PVT1: variants seen among roughly 807,000 people sequenced by gnomAD.
PVT1 encodes the protein Pvt1 oncogene, also known as CXCR4/PVT1 fusion.
intron 3 of PVT1, among the ~76,000 whole-genome samples, chr8:127,934,177 T>C (rs893854249): frequency 2.6e-5 from 4 of 152,152 alleles, no homozygotes; most frequent in Admixed American, 6.5e-5. Context: ...GAAACTTCAG[T>C]AGTTGGTTGG....
intron 2 of PVT1, among the ~76,000 whole-genome samples, chr8:127,846,980 C>CTTTTTTTTTTTTTTTT (rs34437112): frequency 4.8e-5 from 3 of 62,426 alleles, no homozygotes; most frequent in Non-Finnish European, 8.7e-5. Flanking sequence ...TGCACATGGC[C>CTTTTTTTTTTTTTTTT]TTTTTTTTTT....
chr8:127,952,109 T>C (rs1264706097), intron 3 of PVT1, among the ~76,000 whole-genome samples: 1 of 152,096 alleles, frequency 6.6e-6, no homozygotes, highest in African/African-American at 2.4e-5. Flanking sequence ...CCACCGCGCC[T>C]GGCCAAAAAA....
At chr8:127,965,919 C>T (rs1343805321) in intron 3 of PVT1, among the ~76,000 whole-genome samples, 1 of 152,100 alleles carries the variant, frequency 6.6e-6, no homozygotes, top group Non-Finnish European at 1.5e-5. Context: ...ACAGGATTTA[C>T]CTTTTGGAAA....
At chr8:127,979,321 G>C (rs1441320987) in intron 3 of PVT1, among the ~76,000 whole-genome samples, 1 of 152,188 alleles carries the variant, frequency 6.6e-6, no homozygotes, top group African/African-American at 2.4e-5. Flanking sequence ...GCTTGTTGAT[G>C]CCAGCCTTGA....
intron 5 of PVT1, among the ~76,000 whole-genome samples, chr8:128,083,777 G>T (rs1771070447): frequency 6.6e-6 from 1 of 152,334 alleles, no homozygotes; most frequent in African/African-American, 2.4e-5. Flanking sequence ...TGCAGTGAGG[G>T]TCAAGATCCT....
intron 2 of PVT1, among the ~76,000 whole-genome samples, chr8:127,796,899 A>T (rs1814403080): frequency 2.4e-5 from 3 of 122,486 alleles, no homozygotes; most frequent in Admixed American, 1.8e-4. Flanking sequence ...TTTTTTTGAG[A>T]CAGAGTTTCA....
At chr8:127,837,898 ATTT>A (rs778300631) in intron 2 of PVT1, among the ~76,000 whole-genome samples, 3 of 139,140 alleles carry the variant, frequency 2.2e-5, no homozygotes, top group African/African-American at 2.6e-5. Flanking sequence ...ATTATTTATG[ATTT>A]TTTTTTTTTT....
intron 2 of PVT1, among the ~76,000 whole-genome samples, chr8:127,797,746 A>G (rs1005116274): frequency 1.3e-5 from 2 of 152,226 alleles, no homozygotes; most frequent in African/African-American, 4.8e-5. Flanking sequence ...TGAGGCATTT[A>G]TAATGAAATG....
At chr8:127,853,021 A>C (rs1228918198) in intron 2 of PVT1, among the ~76,000 whole-genome samples, 3 of 152,184 alleles carry the variant, frequency 2.0e-5, no homozygotes, top group African/African-American at 7.2e-5. Context: ...CAGATTTCAG[A>C]TCAGGGAAAG....
At chr8:127,935,196 C>T (rs1304160651) in intron 3 of PVT1, among the ~76,000 whole-genome samples, 1 of 152,098 alleles carries the variant, frequency 6.6e-6, no homozygotes, top group African/African-American at 2.4e-5. Flanking sequence ...GAGCTCCGGA[C>T]CTCAGGTGAT....
At chr8:127,857,259 C>T (rs951855283) in intron 2 of PVT1, among the ~76,000 whole-genome samples, 21 of 152,120 alleles carry the variant, frequency 1.4e-4, no homozygotes, top group African/African-American at 3.9e-4. Flanking sequence ...AATAATAATC[C>T]GAGAGTGCTT....
chr8:127,833,693 A>T (rs543000038), intron 2 of PVT1, among the ~76,000 whole-genome samples: 2 of 152,222 alleles, frequency 1.3e-5, no homozygotes, highest in South Asian at 4.2e-4. Flanking sequence ...GACTCAAGCG[A>T]TCTACCTGCC....
chr8:127,853,866 T>G (rs190888475), intron 2 of PVT1, among the ~76,000 whole-genome samples: 1 of 151,754 alleles, frequency 6.6e-6, no homozygotes, highest in East Asian at 1.9e-4. Context: ...GCTTTTTAAG[T>G]CTACGAGCAT....
chr8:127,883,635 A>G (rs981489895), intron 2 of PVT1, among the ~76,000 whole-genome samples: 1 of 152,008 alleles, frequency 6.6e-6, no homozygotes, highest in Non-Finnish European at 1.5e-5. Context: ...AAAAAATAAA[A>G]TTAAAAAAAT....
intron 4 of PVT1, chr8:128,008,944 C>A (rs1235916338): frequency 1.9e-6 from 1 of 521,810 alleles, no homozygotes; most frequent in South Asian, 1.4e-5. Context: ...TTTTTGCAAG[C>A]TAGTGAACGC....
At chr8:127,843,495 T>A (rs138395990) in intron 2 of PVT1, among the ~76,000 whole-genome samples, 6,616 of 152,090 alleles carry the variant, frequency 0.044, 510 homozygotes, top group African/African-American at 0.15. Flanking sequence ...CAGGCTGGAG[T>A]GCAGTGGCGC....
chr8:127,853,506 C>T (rs528273958), intron 2 of PVT1, among the ~76,000 whole-genome samples: 20 of 152,200 alleles, frequency 1.3e-4, no homozygotes, highest in East Asian at 1.2e-3. Context: ...AGGAGCCATG[C>T]GTGATGGCTC....
At chr8:127,865,660 C>G (rs987421955) in intron 2 of PVT1, among the ~76,000 whole-genome samples, 12 of 152,346 alleles carry the variant, frequency 7.9e-5, no homozygotes, top group Admixed American at 2.0e-4. Flanking sequence ...GGAAGGAACA[C>G]AGTCCTGCTA....
At chr8:127,884,285 GGA>G (rs1254568623) in intron 2 of PVT1, among the ~76,000 whole-genome samples, 4 of 152,120 alleles carry the variant, frequency 2.6e-5, no homozygotes, top group Admixed American at 6.6e-5. Context: ...TATGTTTGTG[GGA>G]TATATTCATG....
Sources: gnomAD v4.1 joint callset for allele counts (sites outside exome capture counted in the v4.1 genomes callset) on GRCh38, gnomAD v4.1.1 for gene constraint, MANE v1.5 for transcripts, NCBI Gene and HGNC (gene_info 2026-07-23, HGNC 2026-07-21) for gene names.